Variants in AFG1L observed in about 807,000 individuals in gnomAD.
AFG1L encodes AFG1-like ATPase.
AFG1L carries 53 observed loss-of-function variants against 62.2 expected under a neutral mutation model. That is an observed-to-expected ratio of 0.85 (90% confidence interval 0.68 to 1.07). The LOEUF (loss-of-function observed/expected upper bound fraction) is 1.07. Ranked by LOEUF, AFG1L falls within the 50% of genes least tolerant of loss-of-function variation. AFG1L has a pLI of 0.00. For synonymous variants in AFG1L, 228 were observed against 210.3 expected (o/e 1.08, Z -0.73); for missense variants, 555 against 590.5 (o/e 0.94, Z 0.62).
chr6:108,378,111 C>G (rs890807762), intron 6 of AFG1L, among the ~76,000 whole-genome samples: 11 of 149,186 alleles, frequency 7.4e-5, no homozygotes, highest in African/African-American at 2.7e-4. Context: ...TCTGCTTGGT[C>G]CAGTCCATTT....
intron 8 of AFG1L, among the ~76,000 whole-genome samples, chr6:108,454,081 TACA>T (rs1320725531): frequency 6.6e-6 from 1 of 152,206 alleles, no homozygotes; most frequent in African/African-American, 2.4e-5. Context: ...TTTCATCCTC[TACA>T]ACAAAATTTT....
chr6:108,480,130 G>T (rs1582644678), intron 10 of AFG1L, among the ~76,000 whole-genome samples: 1 of 152,106 alleles, frequency 6.6e-6, no homozygotes, highest in East Asian at 1.9e-4. Flanking sequence ...GAATCCTGCA[G>T]GTTAACATCT....
chr6:108,380,660 C>T (rs1780463745), intron 6 of AFG1L, among the ~76,000 whole-genome samples: 1 of 152,176 alleles, frequency 6.6e-6, no homozygotes, highest in South Asian at 2.1e-4. Flanking sequence ...TGCTGCAGGT[C>T]ACCAAAGAAT....
chr6:108,424,484 C>T (rs1770729838), intron 7 of AFG1L, among the ~76,000 whole-genome samples: 1 of 151,828 alleles, frequency 6.6e-6, no homozygotes, highest in Admixed American at 6.6e-5. Context: ...CATGCATTTA[C>T]GAAGGGCTTA....
intron 8 of AFG1L, among the ~76,000 whole-genome samples, chr6:108,451,581 C>T (rs956917773): frequency 6.6e-6 from 1 of 152,186 alleles, no homozygotes; most frequent in African/African-American, 2.4e-5. Context: ...TAGCAAGCTA[C>T]AAAACAGAGA....
chr6:108,381,653 G>A (rs1324514596), intron 6 of AFG1L, among the ~76,000 whole-genome samples: 1 of 152,100 alleles, frequency 6.6e-6, no homozygotes, highest in Non-Finnish European at 1.5e-5. Context: ...TTTCACATAC[G>A]TGATTCTCAC....
At chr6:108,391,604 C>A (rs1315816715) in intron 6 of AFG1L, among the ~76,000 whole-genome samples, 1 of 152,118 alleles carries the variant, frequency 6.6e-6, no homozygotes, top group Non-Finnish European at 1.5e-5. Flanking sequence ...CTGACTGTTC[C>A]TTTTGCTGGG....
At chr6:108,497,218 G>A (rs114437871) in intron 10 of AFG1L, among the ~76,000 whole-genome samples, 2,684 of 152,146 alleles carry the variant, frequency 0.018, 86 homozygotes, top group African/African-American at 0.061. Flanking sequence ...GATGGATGCT[G>A]CATTACATGT....
At chr6:108,516,715 CCT>C (rs1379126409) in intron 11 of AFG1L, among the ~76,000 whole-genome samples, 4 of 152,070 alleles carry the variant, frequency 2.6e-5, no homozygotes, top group Admixed American at 2.6e-4. Flanking sequence ...TCAAATTGTC[CCT>C]GTTTGCAGAT....
intron 7 of AFG1L, among the ~76,000 whole-genome samples, chr6:108,435,193 A>G (rs1331146277): frequency 6.6e-6 from 1 of 152,178 alleles, no homozygotes; most frequent in Non-Finnish European, 1.5e-5. Flanking sequence ...TACACACATA[A>G]CGATTATAAA....
At chr6:108,454,882 G>A (rs1057400334) in intron 8 of AFG1L, among the ~76,000 whole-genome samples, 10 of 151,948 alleles carry the variant, frequency 6.6e-5, no homozygotes, top group African/African-American at 1.9e-4. Context: ...CAAGCAGTCC[G>A]CCTGCCTCGG....
intron 11 of AFG1L, among the ~76,000 whole-genome samples, chr6:108,513,328 G>A (rs866557838): frequency 1.1e-4 from 16 of 152,338 alleles, no homozygotes; most frequent in South Asian, 6.2e-4. Context: ...CGCCTCACCC[G>A]GGAAGCACAA....
intron 6 of AFG1L, among the ~76,000 whole-genome samples, chr6:108,391,216 T>C (rs1396896375): frequency 6.6e-6 from 1 of 152,174 alleles, no homozygotes; most frequent in Non-Finnish European, 1.5e-5. Context: ...AATCTTCACA[T>C]TAGTGGTTGT....
At chr6:108,471,080 A>G (rs182059590) in intron 8 of AFG1L, among the ~76,000 whole-genome samples, 1 of 152,194 alleles carries the variant, frequency 6.6e-6, no homozygotes, top group African/African-American at 2.4e-5. Context: ...TTGGTCGACC[A>G]TGAGGAGGGA....
At chr6:108,295,472 T>C in intron 1 of AFG1L, among the ~76,000 whole-genome samples, 1 of 152,186 alleles carries the variant, frequency 6.6e-6, no homozygotes, top group African/African-American at 2.4e-5. Flanking sequence ...TTCCGGGACG[T>C]TTAGAGAGCT....
chr6:108,404,462 A>G lies in AFG1L; in HGVS notation c.807+2408A>G, dbSNP rs550759198. Among the ~76,000 whole-genome samples, 14 of 152,256 alleles carry G rather than the reference A, an allele frequency of 9.2e-5. 1 individual carries two copies. The highest frequency in any genetic ancestry group is 3.4e-4 in the African/African-American group (14 of 41,572). On this transcript the variant is annotated intron_variant, in intron 7 of 12. Coordinates refer to ENST00000368977, the MANE Select transcript of AFG1L (RefSeq NM_145315.5). Reference sequence around the variant, plus strand: ...CTGCTTTATGGCCCAACATGTGGACAATTTTTGTAAATATTTTCTTTAAAA... The same window carrying G: ...CTGCTTTATGGCCCAACATGTGGACGATTTTTGTAAATATTTTCTTTAAAA...
At chr6:108,476,750 G>T in intron 8 of AFG1L, 115 bp from the exon 9 acceptor site, 1 of 701,562 alleles carries the variant, frequency 1.4e-6, no homozygotes. Flanking sequence ...TGTATTTAGA[G>T]CATAACATCC....
chr6:108,342,754 T>C (rs1373569716), intron 2 of AFG1L, among the ~76,000 whole-genome samples: 1 of 152,164 alleles, frequency 6.6e-6, no homozygotes. Context: ...ATTGTTTAGA[T>C]AGACTATGTC....
At chr6:108,495,040 G>T (rs1465524969) in intron 10 of AFG1L, among the ~76,000 whole-genome samples, 1 of 151,924 alleles carries the variant, frequency 6.6e-6, no homozygotes, top group Non-Finnish European at 1.5e-5. Flanking sequence ...CTCCCAAAGT[G>T]CTGGGATTAC....
Sources: allele counts gnomAD v4.1 joint callset (sites outside exome capture counted in the v4.1 genomes callset), GRCh38; gene constraint gnomAD v4.1.1; transcripts MANE v1.5; gene names NCBI Gene and HGNC (gene_info 2026-07-23, HGNC 2026-07-21).